MIA2: variants seen among roughly 807,000 people sequenced by gnomAD.
MIA2 encodes MIA SH3 domain ER export factor 2, also known as melanoma inhibitory activity protein 2.
MIA2 carries 127 observed loss-of-function variants against 167.8 expected under a neutral mutation model. That is an observed-to-expected ratio of 0.76 (90% CI 0.66 to 0.88). The LOEUF is 0.88. Among genes scored for constraint, MIA2 ranks in the 40% least tolerant of loss-of-function variants. The pLI is 0.00. For synonymous variants in MIA2, 552 were observed against 541.9 expected, an observed-to-expected ratio of 1.02 and a Z score of -0.26; for missense variants, 1,690 against 1,624.7, an observed-to-expected ratio of 1.04 and a Z score of -0.69.
At chr14:39,261,748 G>A (rs983678035) in intron 6 of MIA2, among the ~76,000 whole-genome samples, 1 of 152,164 alleles carries the variant, frequency 6.6e-6, no homozygotes, top group Non-Finnish European at 1.5e-5. Flanking sequence ...CAGTGATGAT[G>A]AGCATTTTTT....
intron 23 of MIA2, among the ~76,000 whole-genome samples, chr14:39,369,148 A>G (rs1256812725): frequency 6.6e-6 from 1 of 151,988 alleles, no homozygotes; most frequent in Non-Finnish European, 1.5e-5. Context: ...AGACTGGGAG[A>G]TCTTTTTTCT....
chr14:39,337,682 C>T (rs143110435), intron 25 of MIA2, among the ~76,000 whole-genome samples: 1 of 152,082 alleles, frequency 6.6e-6, no homozygotes, highest in Non-Finnish European at 1.5e-5. Flanking sequence ...GAAAACCAGT[C>T]TCAAAAGTTT....
At chr14:39,296,645 T>TA (rs2061469880) in intron 13 of MIA2, among the ~76,000 whole-genome samples, 2 of 150,022 alleles carry the variant, frequency 1.3e-5, no homozygotes, top group African/African-American at 4.9e-5. Flanking sequence ...TTATTTTTTT[T>TA]TTATTATACT....
At chr14:39,287,677 G>A (rs575882639) in intron 9 of MIA2, among the ~76,000 whole-genome samples, 235 of 151,568 alleles carry the variant, frequency 1.6e-3, no homozygotes, top group African/African-American at 4.8e-3. Flanking sequence ...ATTCTCCTGC[G>A]TCAGCCTCCT....
intron 14 of MIA2, 64 bp from the exon 15 acceptor site, chr14:39,302,065 A>G (rs1450879935): frequency 7.2e-6 from 11 of 1,529,708 alleles, no homozygotes; most frequent in Non-Finnish European, 9.7e-6. Flanking sequence ...GTACATTCAC[A>G]AGTTGTAAAG....
At chr14:39,253,628 C>T (rs1175497390) in intron 6 of MIA2, 1 of 134,896 alleles carries the variant, frequency 7.4e-6, no homozygotes, top group African/African-American at 3.2e-5. Context: ...ATAGCTAGAC[C>T]TTATCTCTTA....
chr14:39,343,248 G>A (rs1595851699), intron 25 of MIA2, among the ~76,000 whole-genome samples: 1 of 152,246 alleles, frequency 6.6e-6, no homozygotes, highest in South Asian at 2.1e-4. Flanking sequence ...GGGTTCAAGC[G>A]ATTCTTGTGT....
chr14:39,294,661 A>C (rs182027050), intron 12 of MIA2, among the ~76,000 whole-genome samples: 12 of 152,200 alleles, frequency 7.9e-5, no homozygotes. Context: ...GGGGAGGCAG[A>C]ATAAATAGTT....
chr14:39,369,722 T>G (rs2074897055), intron 23 of MIA2, among the ~76,000 whole-genome samples: 1 of 152,246 alleles, frequency 6.6e-6, no homozygotes, highest in East Asian at 1.9e-4. Context: ...GATAAATGCA[T>G]GTGCTTTGTC....
At chr14:39,351,360 C>G (rs1414493301), downstream of MIA2, 1 of 143,792 alleles carries the variant, frequency 7.0e-6, no homozygotes, top group Non-Finnish European at 1.5e-5. Flanking sequence ...TGCTCCCTTT[C>G]TATTCTAACC....
chr14:39,238,793 C>CAAAAAAAAAAAAAAAAAAAAAAAAAAAA (rs769534317), intron 2 of MIA2, among the ~76,000 whole-genome samples: 7 of 30,810 alleles, frequency 2.3e-4, no homozygotes, highest in East Asian at 1.8e-3. Flanking sequence ...GACCCTGTCT[C>CAAAAAAAAAAAAAAAAAAAAAAAAAAAA]AAAAAAAAAA....
intron 26 of MIA2, among the ~76,000 whole-genome samples, chr14:39,346,368 G>T (rs1040856475): frequency 6.6e-6 from 1 of 152,076 alleles, no homozygotes; most frequent in African/African-American, 2.4e-5. Flanking sequence ...AAATGTGAAT[G>T]GATACATAAA....
At chr14:39,336,312 A>G (rs1421466788) in intron 25 of MIA2, among the ~76,000 whole-genome samples, 4 of 152,118 alleles carry the variant, frequency 2.6e-5, no homozygotes, top group African/African-American at 9.7e-5. Flanking sequence ...TGTGAGGTGG[A>G]ATCTCATTGT....
chr14:39,244,784 T>A (rs2054213265), intron 3 of MIA2, among the ~76,000 whole-genome samples: 1 of 143,264 alleles, frequency 7.0e-6, no homozygotes, highest in African/African-American at 2.6e-5. Flanking sequence ...TTAGTGCAAC[T>A]TTTTTTTTTT....
chr14:39,351,530 T>C (rs557227914), downstream of MIA2: 3 of 152,340 alleles, frequency 2.0e-5, no homozygotes, highest in South Asian at 2.1e-4. Flanking sequence ...TATGTTGAAA[T>C]ACTAACCCCC....
At position 39,279,326 on chromosome 14, in the gene MIA2, A is replaced by C. The variant is rs200680591; in HGVS notation, c.2020-11A>C. 519 of 1,599,204 alleles carry C rather than the reference A, an allele frequency of 3.2e-4. 4 individuals are homozygous for C. Among genetic ancestry groups the C allele is most frequent in the Middle Eastern group, 1.7e-4 (1 of 5,932 alleles). On this transcript the variant is annotated splice_polypyrimidine_tract_variant and intron_variant, in intron 7 of 28. Coordinates refer to ENST00000640607, the MANE Select transcript of MIA2 (RefSeq NM_001329214.4). ...TGTTTTAATGTAATTTTTGTTAAAA[A>C]TTTGTTTCAGGTTAGGAGTCGGCTT...
chr14:39,372,850 T>C (rs1472105239), intron 23 of MIA2, among the ~76,000 whole-genome samples: 1 of 152,180 alleles, frequency 6.6e-6, no homozygotes, highest in Non-Finnish European at 1.5e-5. Context: ...GTAGTAATAC[T>C]TAAGACTAGT....
chr14:39,354,276 A>G (rs2074465760), downstream of MIA2, among the ~76,000 whole-genome samples: 1 of 152,202 alleles, frequency 6.6e-6, no homozygotes, highest in South Asian at 2.1e-4. Context: ...GTGAGATGGT[A>G]TCTCATTGTG....
intron 2 of MIA2, among the ~76,000 whole-genome samples, chr14:39,239,154 A>G (rs1262090136): frequency 6.6e-6 from 1 of 152,140 alleles, no homozygotes; most frequent in Non-Finnish European, 1.5e-5. Flanking sequence ...TTTTCCCATC[A>G]GGGGCTATAG....
Sources: allele counts gnomAD v4.1 joint callset (sites outside exome capture counted in the v4.1 genomes callset), GRCh38; gene constraint gnomAD v4.1.1; transcripts MANE v1.5; gene names NCBI Gene and HGNC (gene_info 2026-07-23, HGNC 2026-07-21).